Variants in DLGAP2 observed in about 807,000 individuals in gnomAD.
DLGAP2 encodes the protein disks large-associated protein 2.
A neutral mutation model predicts 100.3 loss-of-function variants in DLGAP2; 26 were observed. The observed-to-expected ratio is 0.26, with a 90% CI of 0.19 to 0.36. The LOEUF (loss-of-function observed/expected upper bound fraction) is 0.36, where lower values mean the gene tolerates loss of function less well. Ranked by LOEUF, DLGAP2 falls within the 10% of genes least tolerant of loss-of-function variation. The pLI, the probability that DLGAP2 is intolerant of heterozygous loss-of-function variation, is 1.00. For synonymous variants in DLGAP2, 886 were observed against 630.1 expected (o/e 1.41, Z -6.08); for missense variants, 1,858 against 1,453.2 (o/e 1.28, Z -4.53).
chr8:1,615,520 G>A (rs1410858570), intron 6 of DLGAP2, among the ~76,000 whole-genome samples: 1 of 152,086 alleles, frequency 6.6e-6, no homozygotes, highest in African/African-American at 2.4e-5. Context: ...GCCATTGTAA[G>A]GTCTTATGAA....
intron 3 of DLGAP2, among the ~76,000 whole-genome samples, chr8:1,262,108 T>A (rs1231578423): frequency 1.3e-5 from 2 of 152,226 alleles, no homozygotes; most frequent in African/African-American, 4.8e-5. Flanking sequence ...CTTCTTTGGA[T>A]ACAGATGGAA....
At chr8:966,130 A>G (rs879806930) in intron 2 of DLGAP2, among the ~76,000 whole-genome samples, 3 of 152,190 alleles carry the variant, frequency 2.0e-5, no homozygotes, top group African/African-American at 7.2e-5. Flanking sequence ...CAGGGGCATC[A>G]TCCTCGTTTC....
chr8:1,268,039 C>A (rs948788541), intron 3 of DLGAP2, among the ~76,000 whole-genome samples: 1 of 152,130 alleles, frequency 6.6e-6, no homozygotes, highest in Non-Finnish European at 1.5e-5. Context: ...ATTGAACATA[C>A]CATCTGGTGT....
intron 2 of DLGAP2, among the ~76,000 whole-genome samples, chr8:1,095,745 A>T (rs550693444): frequency 2.6e-5 from 4 of 152,212 alleles, no homozygotes; most frequent in Non-Finnish European, 5.9e-5. Context: ...CTACTCTTAA[A>T]TGTCTTTTTC....
chr8:870,168 C>G (rs1200203366), intron 1 of DLGAP2, among the ~76,000 whole-genome samples: 1 of 152,128 alleles, frequency 6.6e-6, no homozygotes, highest in Non-Finnish European at 1.5e-5. Flanking sequence ...TATTCTATGG[C>G]TATTTCTTTC....
chr8:1,420,169 G>A (rs946535323), intron 3 of DLGAP2, among the ~76,000 whole-genome samples: 5 of 152,144 alleles, frequency 3.3e-5, no homozygotes, highest in African/African-American at 1.2e-4. Context: ...CTAGTTCCCT[G>A]AGGACTGCCT....
chr8:899,259 G>A (rs969693348), intron 1 of DLGAP2, among the ~76,000 whole-genome samples: 7 of 152,238 alleles, frequency 4.6e-5, no homozygotes, highest in Non-Finnish European at 7.3e-5. Context: ...GCCTGAACAC[G>A]GAAGGTGCAG....
At chr8:1,146,028 G>T (rs771166392) in intron 2 of DLGAP2, among the ~76,000 whole-genome samples, 4 of 152,054 alleles carry the variant, frequency 2.6e-5, no homozygotes, top group Non-Finnish European at 5.9e-5. Flanking sequence ...GGTAGCCCCA[G>T]GATGCCGGGT....
intron 3 of DLGAP2, among the ~76,000 whole-genome samples, chr8:1,279,257 C>T (rs1799767575): frequency 6.6e-6 from 1 of 152,228 alleles, no homozygotes; most frequent in Admixed American, 6.5e-5. Context: ...TATTAGGATT[C>T]GTCAGTTCTT....
At chr8:1,214,244 C>G (rs1023121334) in intron 2 of DLGAP2, among the ~76,000 whole-genome samples, 3 of 152,332 alleles carry the variant, frequency 2.0e-5, no homozygotes, top group East Asian at 3.9e-4. Flanking sequence ...AGCAAGTCCT[C>G]TCCCAACCAA....
At chr8:1,125,816 G>A (rs576536882) in intron 2 of DLGAP2, among the ~76,000 whole-genome samples, 1 of 152,340 alleles carries the variant, frequency 6.6e-6, no homozygotes, top group African/African-American at 2.4e-5. Context: ...CTACAGCTAG[G>A]CTCTTAAGCC....
chr8:1,179,976 A>G (rs1016496897), intron 2 of DLGAP2, among the ~76,000 whole-genome samples: 4 of 152,244 alleles, frequency 2.6e-5, no homozygotes, highest in African/African-American at 9.6e-5. Context: ...AGTAAATGCA[A>G]TTAAAATACT....
chr8:1,576,769 G>T (rs1802997834), intron 6 of DLGAP2, among the ~76,000 whole-genome samples: 1 of 152,142 alleles, frequency 6.6e-6, no homozygotes, highest in Non-Finnish European at 1.5e-5. Flanking sequence ...AAGATAAGAT[G>T]GTTGTAGATG....
intron 2 of DLGAP2, among the ~76,000 whole-genome samples, chr8:1,161,926 G>C (rs1442398712): frequency 1.3e-5 from 2 of 152,242 alleles, no homozygotes; most frequent in African/African-American, 4.8e-5. Flanking sequence ...TAGGTATAGA[G>C]AGGAGATCCG....
chr8:910,643 C>T (rs1324028462), intron 2 of DLGAP2: 1 of 152,172 alleles, frequency 6.6e-6, no homozygotes, highest in Non-Finnish European at 1.5e-5. Flanking sequence ...ATTGGCCTTT[C>T]ACAGGCCTTT....
At chr8:1,190,555 C>G (rs1253623934) in intron 2 of DLGAP2, among the ~76,000 whole-genome samples, 1 of 152,190 alleles carries the variant, frequency 6.6e-6, no homozygotes, top group East Asian at 1.9e-4. Context: ...GTCCTTGCTT[C>G]TCATCTCACA....
At chr8:1,203,792 T>C (rs1797933475) in intron 2 of DLGAP2, among the ~76,000 whole-genome samples, 2 of 152,202 alleles carry the variant, frequency 1.3e-5, no homozygotes, top group African/African-American at 4.8e-5. Context: ...CAATGTCACC[T>C]AAAGGTTGTC....
chr8:1,139,245 C>T (rs1004734029), intron 2 of DLGAP2, among the ~76,000 whole-genome samples: 1 of 152,226 alleles, frequency 6.6e-6, no homozygotes, highest in African/African-American at 2.4e-5. Context: ...CCCCTCGTTG[C>T]CCCTGTGTTC....
At position 770,934 on chromosome 8, in the gene DLGAP2, G is replaced by C. The variant is rs182881509; in HGVS notation, c.18+33109G>C. ...GGAAAAAATTTTTCACTTTTCTGTA[G>C]GGCAGGTTGATGTGGTCTTCTTAGT... On this transcript the variant is annotated intron_variant, in intron 1 of 14. Transcript: ENST00000637795. 4.6e-5 allele frequency among the ~76,000 whole-genome samples: 7 copies of C among 151,836 alleles called. No individual in the cohort carries two copies. In the East Asian group the frequency reaches 5.8e-4, roughly 13 times the overall value.
Sources: gnomAD v4.1 joint callset for allele counts (sites outside exome capture counted in the v4.1 genomes callset) on GRCh38, gnomAD v4.1.1 for gene constraint, MANE v1.5 for transcripts, NCBI Gene and HGNC (gene_info 2026-07-23, HGNC 2026-07-21) for gene names.